The following RASGRP1 variants were observed in gnomAD, a reference collection of about 807,000 sequenced individuals.
The protein encoded by RASGRP1 is RAS guanyl-releasing protein 1.
Under a neutral mutation model 95.1 loss-of-function variants are expected in RASGRP1, and 37 were observed. The ratio of observed to expected loss-of-function variants is 0.39; its 90% CI spans 0.30 to 0.51. The LOEUF (loss-of-function observed/expected upper bound fraction) is 0.51, where lower values mean the gene tolerates loss of function less well. Among genes scored for constraint, RASGRP1 ranks in the 20% least tolerant of loss-of-function variants. RASGRP1 has a pLI of 0.80. For missense variants in RASGRP1, 711 were observed against 965.4 expected, an observed-to-expected ratio of 0.74 and a Z score of 3.49; for synonymous variants, 325 against 353.4, an observed-to-expected ratio of 0.92 and a Z score of 0.90.
In RASGRP1 at chr15:38,488,620, A is replaced by G. The variant is rs999096974; in HGVS notation, c.*1934T>C. On this transcript the variant is annotated 3_prime_UTR_variant, in exon 17 of 17. Transcript: ENST00000310803. ...GGACTGTGACACCTTTTGAATCCCT[A>G]TAGATTATTTATATAAAAACTAACT... The G allele has an allele frequency of 3.3e-5, 5 of 151,992 alleles. No individual in the cohort carries two copies. Among genetic ancestry groups the G allele is most frequent in the East Asian group, 1.9e-4 (1 of 5,200 alleles). 9.4% of individuals were successfully genotyped at this position (151,992 alleles called of 1,614,324 possible).
chr15:38,506,891 A>G lies in RASGRP1; in HGVS notation c.1242+835T>C, dbSNP rs139451101. Among the ~76,000 whole-genome samples the G allele has an allele frequency of 6.7e-3, 1,027 of 152,302 alleles. 16 individuals carry two copies. Among genetic ancestry groups the G allele is most frequent in the African/African-American group, 0.023 (968 of 41,562 alleles). ...TAAGATTCACTCCATGTTTTTACAA[A>G]TGATGTCTGAGACACAGACCTGCCA... On this transcript the variant is annotated intron_variant, in intron 9 of 16. Coordinates refer to ENST00000310803, the MANE Select transcript of RASGRP1 (RefSeq NM_005739.4).
intron 2 of RASGRP1, among the ~76,000 whole-genome samples, chr15:38,541,571 G>C (rs1892862455): frequency 6.6e-6 from 1 of 152,160 alleles, no homozygotes; most frequent in Non-Finnish European, 1.5e-5. Context: ...CAGACTGGGT[G>C]ATAGAGCAAG....
In RASGRP1 at chr15:38,518,294, T is replaced by C. The variant is rs374988592; in HGVS notation, c.519A>G (p.Gln173=). ...ELHCRLIDTT[Q]INARDWSRKL... ...TGAGTCAAGACCTTGACACTCACAT[T>C]TGAGTTGTGTCAATCAGGCGGCAAT... is the stretch of plus-strand genomic sequence containing the variant. The change falls in exon 5 of 17, where the codon CAA becomes CAG. Residue 173 remains glutamine, a splice_region_variant and synonymous_variant. Coordinates refer to ENST00000310803, the MANE Select transcript of RASGRP1 (RefSeq NM_005739.4). 1 of 1,609,434 alleles carries C rather than the reference T, an allele frequency of 6.2e-7. No homozygotes were observed. The highest frequency in any genetic ancestry group is 8.5e-7 in the Non-Finnish European group (1 of 1,177,950).
rs551405523 is a variant in RASGRP1, at chr15:38,560,244, G to A, written c.36-239C>T. The A allele has an allele frequency of 1.0e-3, 566 of 540,078 alleles. 9 individuals carry two copies. The highest frequency in any genetic ancestry group is 1.5e-3 in the Middle Eastern group (3 of 1,936). The allele number at this position is 540,078 out of a possible 1,614,324, so 33.5% of individuals were successfully genotyped here. A position where few individuals can be genotyped will look rare whatever the true frequency, so the allele number is the denominator to read the frequency against. The stretch of plus-strand genomic sequence containing the variant: ...TGCTCTTCATCCTGGCATTAGGATT[G>A]CTCTGTCCTACTGTCTCCCACTTCC... On this transcript the variant is annotated intron_variant, in intron 1 of 16. Transcript: ENST00000310803.
chr15:38,531,908 A>C (rs2141149797), intron 2 of RASGRP1, among the ~76,000 whole-genome samples: 1 of 152,240 alleles, frequency 6.6e-6, no homozygotes, highest in East Asian at 1.9e-4. Context: ...CATCAGGGAT[A>C]TGTCCCTTCC....
intron 10 of RASGRP1, among the ~76,000 whole-genome samples, chr15:38,505,309 G>A (rs953584837): frequency 2.0e-5 from 3 of 152,170 alleles, no homozygotes. Flanking sequence ...CTCAGCATAG[G>A]AGGTCAAAAG....
chr15:38,564,536 G>T (rs1181157585), intron 1 of RASGRP1, 58 bp downstream of exon 1: 2 of 1,313,248 alleles, frequency 1.5e-6, no homozygotes, highest in Middle Eastern at 2.2e-4. Flanking sequence ...ACGGGCAGGG[G>T]CCTCTTTCCC....
chr15:38,519,257 C>G, intron 4 of RASGRP1, 52 bp downstream of exon 4: 1 of 1,461,146 alleles, frequency 6.8e-7, no homozygotes, highest in Non-Finnish European at 9.5e-7. Context: ...CTTGCTTCAC[C>G]TTTCATTTCA....
At chr15:38,497,392 T>A (rs1267539004) in intron 15 of RASGRP1, among the ~76,000 whole-genome samples, 1 of 91,774 alleles carries the variant, frequency 1.1e-5, no homozygotes, top group African/African-American at 3.7e-5. Flanking sequence ...CCTTAACACC[T>A]TTTTTTTTTT....
chr15:38,538,917 C>G (rs1892760928), intron 2 of RASGRP1, among the ~76,000 whole-genome samples: 1 of 152,168 alleles, frequency 6.6e-6, no homozygotes, highest in African/African-American at 2.4e-5. Flanking sequence ...TGACAGTTGT[C>G]ACGTAGGCAC....
In RASGRP1 at chr15:38,507,806, T is replaced by G. The variant is rs368147450; in HGVS notation, c.1162A>C (p.Asn388His). 5 of 1,612,294 alleles carry G rather than the reference T, an allele frequency of 3.1e-6. No individual in the cohort carries two copies. Among genetic ancestry groups the G allele is most frequent in the Non-Finnish European group, 4.2e-6 (5 of 1,179,408 alleles). ...AGCTGGACCAATTCACTGATATGAT[T>G]GTATAGGGCCAGTAGCTTATGGACG... ...VNVHKLLALYNHISELVQLQE... is the reference protein window; with the variant it reads ...VNVHKLLALYHHISELVQLQE... The change falls in exon 9 of 17, where the codon AAT (asparagine) becomes CAT (histidine). Residue 388 changes from asparagine to histidine, a missense_variant. Around this residue, in one of 3 missense-constraint regions of RASGRP1, gnomAD observed 491 missense variants for 676.6 expected, o/e 0.73. Transcript: ENST00000310803.
chr15:38,526,646 A>G (rs751976494), intron 2 of RASGRP1, among the ~76,000 whole-genome samples: 2 of 152,146 alleles, frequency 1.3e-5, no homozygotes, highest in African/African-American at 2.4e-5. Context: ...AAATCGGGAA[A>G]GGGATAAAAT....
chr15:38,492,615 TGA>T (rs1890632876), intron 16 of RASGRP1, among the ~76,000 whole-genome samples: 2 of 152,148 alleles, frequency 1.3e-5, no homozygotes, highest in South Asian at 4.1e-4. Flanking sequence ...ATAGTAGTGT[TGA>T]TATTAACGTA....
In RASGRP1 at chr15:38,523,280, A is replaced by G. The variant is rs149942484; in HGVS notation, c.326+3019T>C. ...ATTACAATGAAGTTGAAAAATTCCT[A>G]TTGCCTCATCCTGTCTTCATAATCC... On this transcript the variant is annotated intron_variant, in intron 3 of 16. Coordinates refer to ENST00000310803, the MANE Select transcript of RASGRP1 (RefSeq NM_005739.4). Among the ~76,000 whole-genome samples, 93 of 152,274 alleles carry G rather than the reference A, an allele frequency of 6.1e-4. 1 individual carries two copies. The highest frequency in any genetic ancestry group is 2.1e-3 in the African/African-American group (87 of 41,556).
intron 2 of RASGRP1, among the ~76,000 whole-genome samples, chr15:38,557,301 A>G (rs1893602377): frequency 6.6e-6 from 1 of 152,214 alleles, no homozygotes; most frequent in East Asian, 1.9e-4. Flanking sequence ...GAGCAAGAAG[A>G]GAGACAGACA....
chr15:38,511,778 GCTTAGAGGCTGC>G, intron 7 of RASGRP1, 58 bp from the exon 8 acceptor site: 1 of 1,323,332 alleles, frequency 7.6e-7, no homozygotes, highest in Non-Finnish European at 1.1e-6. Flanking sequence ...TATATGGGGA[GCTTAGAGGCTGC>G]CTCTTGTCTC....
At chr15:38,525,811 G>A (rs183943485) in intron 3 of RASGRP1, among the ~76,000 whole-genome samples, 1 of 152,244 alleles carries the variant, frequency 6.6e-6, no homozygotes, top group East Asian at 1.9e-4. Context: ...AGTCCAGCAG[G>A]TTTTGCTTGG....
intron 12 of RASGRP1, 183 bp from the exon 13 acceptor site, chr15:38,501,470 A>G (rs1891018695): frequency 3.8e-6 from 3 of 783,278 alleles, no homozygotes; most frequent in Non-Finnish European, 6.5e-6. Context: ...GACATGTGGT[A>G]AGTAGGTAAG....
chr15:38,528,648 G>A (rs1486409356), intron 2 of RASGRP1, among the ~76,000 whole-genome samples: 1 of 152,038 alleles, frequency 6.6e-6, no homozygotes, highest in African/African-American at 2.4e-5. Context: ...CTGTGGTTGA[G>A]TCCTCCCGCT....
Sources: gnomAD v4.1 joint callset for allele counts (sites outside exome capture counted in the v4.1 genomes callset) on GRCh38, gnomAD v4.1.1 for gene constraint, gnomAD v4.1.1 regional missense constraint, MANE v1.5 for transcripts, NCBI Gene and HGNC (gene_info 2026-07-23, HGNC 2026-07-21) for gene names.